The following COG5 variants were observed in gnomAD, a reference collection of about 807,000 sequenced individuals.
COG5 encodes conserved oligomeric Golgi complex subunit 5.
In COG5, 86 loss-of-function variants were observed where a neutral mutation model predicts 110.4. That is an observed-to-expected ratio of 0.78 (90% CI 0.65 to 0.93). COG5 has a LOEUF of 0.93. Ranked by LOEUF, COG5 falls within the 40% of genes least tolerant of loss-of-function variation. The pLI is 0.00. For synonymous variants in COG5, 360 were observed against 334.6 expected (o/e 1.08, Z -0.83); for missense variants, 1,077 against 987.0 (o/e 1.09, Z -1.22).
intron 5 of COG5, among the ~76,000 whole-genome samples, chr7:107,535,193 A>C (rs1423409813): frequency 6.6e-6 from 1 of 151,682 alleles, no homozygotes; most frequent in South Asian, 2.1e-4. Context: ...AATTTATAGC[A>C]CTAAATGCCC....
At chr7:107,210,387 T>C in intron 21 of COG5, 139 bp downstream of exon 21, 1 of 1,468,794 alleles carries the variant, frequency 6.8e-7, no homozygotes, top group African/African-American at 1.4e-5. Flanking sequence ...CACCCGTGCC[T>C]AGGCAGTGAG....
chr7:107,314,850 C>T (rs1020026455), intron 11 of COG5, among the ~76,000 whole-genome samples: 21 of 152,206 alleles, frequency 1.4e-4, no homozygotes, highest in African/African-American at 4.8e-4. Flanking sequence ...CATCAAAGCA[C>T]TTACTTGATA....
chr7:107,375,636 T>A (rs773622238), intron 7 of COG5, among the ~76,000 whole-genome samples: 1 of 152,062 alleles, frequency 6.6e-6, no homozygotes, highest in Non-Finnish European at 1.5e-5. Context: ...CATTTGGATA[T>A]CTTCTTTTGT....
chr7:107,329,527 T>C (rs908713583), intron 10 of COG5, among the ~76,000 whole-genome samples: 4 of 152,142 alleles, frequency 2.6e-5, no homozygotes, highest in Non-Finnish European at 4.4e-5. Context: ...CTATACTATA[T>C]AATAGTAAAT....
intron 6 of COG5, among the ~76,000 whole-genome samples, chr7:107,427,247 C>T (rs74362776): frequency 0.016 from 2,401 of 152,214 alleles, 59 homozygotes; most frequent in African/African-American, 0.055. Context: ...CAAACTACCA[C>T]GGACTTCAAG....
At chr7:107,280,267 T>C (rs901766568) in intron 14 of COG5, among the ~76,000 whole-genome samples, 3 of 152,108 alleles carry the variant, frequency 2.0e-5, no homozygotes, top group Non-Finnish European at 2.9e-5. Context: ...AAGATGATTT[T>C]GTCAAGACTA....
At chr7:107,309,263 A>C (rs1584657178) in intron 11 of COG5, among the ~76,000 whole-genome samples, 1 of 152,106 alleles carries the variant, frequency 6.6e-6, no homozygotes, top group Non-Finnish European at 1.5e-5. Context: ...TACACACACA[A>C]CAGTCTGAAA....
At chr7:107,346,589 T>C (rs1291956167) in intron 10 of COG5, among the ~76,000 whole-genome samples, 2 of 152,166 alleles carry the variant, frequency 1.3e-5, no homozygotes, top group African/African-American at 4.8e-5. Context: ...GAGAAAATAA[T>C]TGGAGCCAAC....
intron 10 of COG5, among the ~76,000 whole-genome samples, chr7:107,338,839 A>T (rs886570898): frequency 6.6e-6 from 1 of 152,164 alleles, no homozygotes; most frequent in Non-Finnish European, 1.5e-5. Flanking sequence ...GCTAACAAGC[A>T]TAAGAACAGA....
chr7:107,475,502 A>G, intron 6 of COG5: 1 of 550,740 alleles, frequency 1.8e-6, no homozygotes, highest in African/African-American at 1.9e-5. Flanking sequence ...TGTCAATTAG[A>G]TAGGTCATAT....
rs1411385518 is a variant in COG5, at chr7:107,428,028, C to G, written c.539-15396G>C. On this transcript the variant is annotated intron_variant, in intron 6 of 21. Transcript: ENST00000297135. ...TGTGAGTATGCAAAAAAGACTACAACCAAGGCACCACTCAAAGGTGGGCTC... is the reference window on the plus strand; with the variant it reads ...TGTGAGTATGCAAAAAAGACTACAAGCAAGGCACCACTCAAAGGTGGGCTC... Among the ~76,000 whole-genome samples, 3 of 151,866 alleles carry G rather than the reference C, an allele frequency of 2.0e-5. No individual in the cohort carries two copies. In the East Asian group the frequency reaches 5.8e-4, roughly 29 times the overall value.
At chr7:107,535,533 C>G (rs1234942989) in intron 5 of COG5, among the ~76,000 whole-genome samples, 1 of 148,026 alleles carries the variant, frequency 6.8e-6, no homozygotes, top group Non-Finnish European at 1.5e-5. Flanking sequence ...CCATAAACAC[C>G]TCTATGCAAA....
chr7:107,561,306 G>A (rs369410305), intron 1 of COG5, among the ~76,000 whole-genome samples: 11 of 152,072 alleles, frequency 7.2e-5, no homozygotes, highest in Non-Finnish European at 1.2e-4. Flanking sequence ...CCAAATCCCC[G>A]ATATAGTGAA....
intron 6 of COG5, among the ~76,000 whole-genome samples, chr7:107,495,600 T>C (rs551154938): frequency 7.9e-5 from 12 of 152,158 alleles, no homozygotes; most frequent in African/African-American, 1.9e-4. Flanking sequence ...AAAAAGTCAA[T>C]AGAAATTGAT....
At chr7:107,323,151 T>C (rs530795416) in intron 11 of COG5, among the ~76,000 whole-genome samples, 1 of 152,348 alleles carries the variant, frequency 6.6e-6, no homozygotes, top group South Asian at 2.1e-4. Context: ...ATATAAATTA[T>C]ATCTCAATAA....
chr7:107,465,184 T>A (rs190743569), intron 6 of COG5, among the ~76,000 whole-genome samples: 1 of 152,030 alleles, frequency 6.6e-6, no homozygotes, highest in African/African-American at 2.4e-5. Flanking sequence ...AAGTAAACTA[T>A]CTCTATTTGC....
chr7:107,219,101 T>C (rs147852765), intron 19 of COG5, among the ~76,000 whole-genome samples: 2,333 of 152,174 alleles, frequency 0.015, 238 homozygotes, highest in Admixed American at 0.14. Context: ...ATGCTCAACA[T>C]CACTAATCAT....
chr7:107,242,245 G>A (rs1231374452), intron 17 of COG5, among the ~76,000 whole-genome samples: 2 of 152,174 alleles, frequency 1.3e-5, no homozygotes, highest in Non-Finnish European at 2.9e-5. Context: ...GACCGACAGA[G>A]AATGAAGAAA....
At chr7:107,497,392 C>T (rs1231495276) in intron 6 of COG5, among the ~76,000 whole-genome samples, 1 of 152,034 alleles carries the variant, frequency 6.6e-6, no homozygotes, top group South Asian at 2.1e-4. Context: ...CTAATATTTA[C>T]AGAAATGCAT....
Sources: gnomAD v4.1 joint callset for allele counts (sites outside exome capture counted in the v4.1 genomes callset) on GRCh38, gnomAD v4.1.1 for gene constraint, MANE v1.5 for transcripts, NCBI Gene and HGNC (gene_info 2026-07-23, HGNC 2026-07-21) for gene names.